The following HCK variants were observed in gnomAD, a reference collection of about 807,000 sequenced individuals.
The protein encoded by HCK is HCK proto-oncogene, Src family tyrosine kinase.
A neutral mutation model predicts 70.4 loss-of-function variants in HCK; 40 were observed. That is an observed-to-expected ratio of 0.57 (90% CI 0.44 to 0.74). The LOEUF is 0.74. Ranked by LOEUF, HCK falls within the 30% of genes least tolerant of loss-of-function variation. The pLI is 0.00. For synonymous variants in HCK, 245 were observed against 263.2 expected (o/e 0.93, Z 0.67); for missense variants, 568 against 697.2 (o/e 0.81, Z 2.09).
intron 8 of HCK, 39 bp downstream of exon 8, chr20:32,084,582 G>A (rs759855298): frequency 1.9e-6 from 3 of 1,572,732 alleles, no homozygotes; most frequent in Non-Finnish European, 1.7e-6. Flanking sequence ...GCCAGAGGGT[G>A]GAGGGGAGAG....
At chr20:32,055,711 C>T (rs940576706) in intron 1 of HCK, among the ~76,000 whole-genome samples, 13 of 152,096 alleles carry the variant, frequency 8.5e-5, no homozygotes, top group African/African-American at 1.4e-4. Context: ...ATTTTTAAAG[C>T]GAACAATTCA....
Position 32,099,109 on chromosome 20 carries a change from T to C in HCK, c.1352T>C (p.Val451Ala), listed in dbSNP as rs2045996524. ...TTTGGTATCCTGCTGATGGAGATCG[T>C]CACCTACGGCCGGATCCCTTACCCA... The change falls in exon 12 of 13, where the codon GTC (valine) becomes GCC (alanine). Residue 451 changes from valine (V) to alanine (A), a missense_variant. Val to Ala is a moderately conservative substitution (Grantham distance 64). Around this residue, in one of 4 missense-constraint regions of HCK, gnomAD observed 160 missense variants for 237.5 expected, o/e 0.67. Transcript: ENST00000375852. The C allele has an allele frequency of 1.2e-6, 2 of 1,613,994 alleles. No individual in the cohort carries two copies. The highest frequency in any genetic ancestry group is 1.7e-6 in the Non-Finnish European group (2 of 1,180,028).
chr20:32,096,138 C>G (rs1269099248), intron 11 of HCK, among the ~76,000 whole-genome samples: 2 of 151,946 alleles, frequency 1.3e-5, no homozygotes, highest in Non-Finnish European at 2.9e-5. Flanking sequence ...GATTCACCCA[C>G]CTGGGCCTCC....
At chr20:32,073,923 T>C in intron 4 of HCK, 105 bp downstream of exon 4, 1 of 660,132 alleles carries the variant, frequency 1.5e-6, no homozygotes. Flanking sequence ...TATCTTATCC[T>C]GGGTATAAAT....
rs143765697 is a variant in HCK at position 32,090,915 on chromosome 20, G to C, written c.1092+2271G>C. 2.4e-4 allele frequency among the ~76,000 whole-genome samples: 37 copies of C among 152,322 alleles called. No individual in the cohort carries two copies. The East Asian group carries it at 6.6e-3, about 27-fold the overall frequency. ...TGAGTGCCACTTTCCCCCACTGGGA[G>C]CACTGGGAGCCACTCTTTAAATAAA... is the stretch of plus-strand genomic sequence containing the variant. On this transcript the variant is annotated intron_variant, in intron 10 of 12. Transcript: ENST00000375852.
At chr20:32,088,084 C>A (rs933476706) in intron 9 of HCK, among the ~76,000 whole-genome samples, 2 of 152,012 alleles carry the variant, frequency 1.3e-5, no homozygotes, top group African/African-American at 4.8e-5. Flanking sequence ...TTGTAAATTT[C>A]TTCTATAGAT....
chr20:32,083,808 G>A, intron 6 of HCK, 86 bp from the exon 7 acceptor site: 1 of 1,512,290 alleles, frequency 6.6e-7, no homozygotes, highest in Non-Finnish European at 9.2e-7. Context: ...GGTGCCAGCG[G>A]TAGCCTTACA....
intron 4 of HCK, 34 bp downstream of exon 4, chr20:32,073,852 C>T (rs763221373): frequency 3.2e-6 from 4 of 1,246,604 alleles, no homozygotes; most frequent in Non-Finnish European, 4.6e-6. Context: ...TAAGACAGAC[C>T]TGCCTCCTCT....
chr20:32,083,879 C>T lies in HCK; in HGVS notation c.533-15C>T. On this transcript the variant is annotated splice_polypyrimidine_tract_variant and intron_variant, in intron 6 of 12. Transcript: ENST00000375852. The stretch of plus-strand genomic sequence containing the variant: ...CAAGATGCCATTCTGAGGGGTTTCT[C>T]TTTGGTCAATTCAGGAAGCTACTCT... 3 of 1,614,050 alleles carry T rather than the reference C, an allele frequency of 1.9e-6. No individual in the cohort carries two copies. Among genetic ancestry groups the T allele is most frequent in the Non-Finnish European group, 2.5e-6 (3 of 1,180,004 alleles).
chr20:32,069,679 T>C, intron 1 of HCK: 1 of 678,194 alleles, frequency 1.5e-6, no homozygotes, highest in Non-Finnish European at 2.3e-6. Context: ...CTTATTTTAT[T>C]TCCAAAAGAC....
Position 32,052,796 on chromosome 20 carries a change from G to GGT in HCK, c.62+310_62+311insGT, listed in dbSNP as rs1568945704. 3.2e-4 allele frequency among the ~76,000 whole-genome samples: 35 copies of GGT among 111,000 alleles called. 1 individual carries two copies. The highest frequency in any genetic ancestry group is 1.8e-3 in the African/African-American group (32 of 18,006). 72.8% of individuals were successfully genotyped at this position (111,000 alleles called of 152,430 possible). A position where few individuals can be genotyped will look rare whatever the true frequency, so the allele number is the denominator to read the frequency against. On this transcript the variant is annotated intron_variant, in intron 1 of 12. Coordinates refer to ENST00000375852, the MANE Select transcript of HCK (RefSeq NM_002110.5). Reference sequence around the variant, plus strand: ...GTTCCCCTTCTTGGGGGGGGGCGGGGATTTTTTTTTTAATTTAAAAAAGAA... The same window carrying GGT: ...GTTCCCCTTCTTGGGGGGGGGCGGGGGTATTTTTTTTTTAATTTAAAAAAGAA...
rs1295643140 is a variant in HCK at position 32,101,772 on chromosome 20, A to C, written c.*253A>C. 1 of 404,142 alleles carries C rather than the reference A, an allele frequency of 2.5e-6. No homozygotes were observed. Among genetic ancestry groups the C allele is most frequent in the East Asian group, 3.9e-5 (1 of 25,858 alleles). 25.0% of individuals were successfully genotyped at this position (404,142 alleles called of 1,614,324 possible). On this transcript the variant is annotated 3_prime_UTR_variant, in exon 13 of 13. Transcript: ENST00000375852. ...TTCCTGGAATGGTTGGATTTTAGTTACAGCTGTGATTTGGAAGGGAAACTT... is the reference window on the plus strand; with the variant it reads ...TTCCTGGAATGGTTGGATTTTAGTTCCAGCTGTGATTTGGAAGGGAAACTT...
intron 1 of HCK, among the ~76,000 whole-genome samples, chr20:32,055,903 A>G (rs908039646): frequency 1.3e-5 from 2 of 152,218 alleles, no homozygotes; most frequent in African/African-American, 4.8e-5. Flanking sequence ...AGGATATTTA[A>G]CATAAATAGA....
chr20:32,066,303 CTTTTTTTTTT>C lies in HCK; in HGVS notation c.63-5340_63-5331del, dbSNP rs35827345. 4.1e-4 allele frequency among the ~76,000 whole-genome samples: 19 copies of C among 46,226 alleles called. 1 individual carries two copies. The East Asian group carries it at 8.3e-3, about 20-fold the overall frequency. The allele number at this position is 46,226 out of a possible 152,430, so 30.3% of individuals were successfully genotyped here. On this transcript the variant is annotated intron_variant, in intron 1 of 12. Coordinates refer to ENST00000375852, the MANE Select transcript of HCK (RefSeq NM_002110.5). ...AATTGTCCATTGTGCCCTCCAGTGA[CTTTTTTTTTT>C]TTTTTTTTTTTTTTTTTTGACAGAG...
At chr20:32,071,122 T>G (rs1443723220) in intron 1 of HCK, among the ~76,000 whole-genome samples, 2 of 152,264 alleles carry the variant, frequency 1.3e-5, no homozygotes, top group Non-Finnish European at 2.9e-5. Flanking sequence ...ATTTATCATC[T>G]GATAATACTG....
chr20:32,096,765 G>A (rs1342043170), intron 11 of HCK, among the ~76,000 whole-genome samples: 1 of 152,106 alleles, frequency 6.6e-6, no homozygotes, highest in African/African-American at 2.4e-5. Context: ...GGCTCTGAAA[G>A]TGCTAGGATT....
At chr20:32,073,174 G>C in intron 2 of HCK, 145 bp from the exon 3 acceptor site, 1 of 669,594 alleles carries the variant, frequency 1.5e-6, no homozygotes, top group South Asian at 1.8e-5. Flanking sequence ...GTGGTGCCAG[G>C]CATGTCCCCT....
At chr20:32,095,076 G>A (rs765050113) in intron 11 of HCK, among the ~76,000 whole-genome samples, 7 of 152,202 alleles carry the variant, frequency 4.6e-5, no homozygotes, top group Non-Finnish European at 8.8e-5. Context: ...TCCATCAATT[G>A]ATGAACAGAC....
At chr20:32,061,157 T>C (rs146000608) in intron 1 of HCK, among the ~76,000 whole-genome samples, 5,540 of 152,258 alleles carry the variant, frequency 0.036, 253 homozygotes, top group East Asian at 0.19. Context: ...CTAATTTTTG[T>C]ATTTTTAGTA....
Sources: gnomAD v4.1 joint callset for allele counts (sites outside exome capture counted in the v4.1 genomes callset) on GRCh38, gnomAD v4.1.1 for gene constraint, gnomAD v4.1.1 regional missense constraint, MANE v1.5 for transcripts, NCBI Gene and HGNC (gene_info 2026-07-23, HGNC 2026-07-21) for gene names.